Variants in LYRM9 observed in about 807,000 individuals in gnomAD.
The protein encoded by LYRM9 is LYR motif-containing protein 9.
A neutral mutation model predicts 12.6 loss-of-function variants in LYRM9; 14 were observed. The observed-to-expected ratio is 1.11, with a 90% CI of 0.73 to 1.73. LYRM9 has a LOEUF of 1.73. LYRM9 is among the 40% of genes most tolerant of loss of function. The pLI is 0.00. For missense variants in LYRM9, 94 were observed against 95.0 expected, an observed-to-expected ratio of 0.99 and a Z score of 0.04; for synonymous variants, 42 against 35.1, an observed-to-expected ratio of 1.20 and a Z score of -0.69.
At chr17:27,881,599 T>C (rs1338246609) in intron 2 of LYRM9, among the ~76,000 whole-genome samples, 1 of 152,348 alleles carries the variant, frequency 6.6e-6, no homozygotes, top group East Asian at 1.9e-4. Flanking sequence ...TTTATCATTC[T>C]CTTTATATAA....
chr17:27,879,655 T>C (rs1453722879), intron 3 of LYRM9, 165 bp from the exon 4 acceptor site: 1 of 637,526 alleles, frequency 1.6e-6, no homozygotes, highest in Non-Finnish European at 2.7e-6. Context: ...AATCTCTAGT[T>C]CATGCCTGGA....
chr17:27,890,156 C>G (rs1905383058), intron 1 of LYRM9, among the ~76,000 whole-genome samples: 1 of 152,178 alleles, frequency 6.6e-6, no homozygotes, highest in Admixed American at 6.5e-5. Flanking sequence ...ATGCCCTTAT[C>G]TGCTTCGTGA....
rs1905239921 is a variant in LYRM9, at chr17:27,886,636, TTTTC to T, written c.-18-3928_-18-3925del. 1.9e-5 allele frequency among the ~76,000 whole-genome samples: 2 copies of T among 104,992 alleles called. No individual in the cohort carries two copies. Among genetic ancestry groups the T allele is most frequent in the South Asian group, 7.9e-4 (2 of 2,526 alleles). The allele number at this position is 104,992 out of a possible 152,430, so 68.9% of individuals were successfully genotyped here. A position where few individuals can be genotyped will look rare whatever the true frequency, so the allele number is the denominator to read the frequency against. The stretch of plus-strand genomic sequence containing the variant: ...AATCCCCATGCCACTGGTTTCTTTC[TTTTC>T]TTTTCTTTTTTTATTTTTTTTTTTT... On this transcript the variant is annotated intron_variant, in intron 1 of 3. Transcript: ENST00000379102. This position sits in a 1 kb window ranked among gnomAD's most constrained non-coding sequence, Gnocchi z 4.8.
Position 27,880,331 on chromosome 17 carries a change from C to T in LYRM9, c.162G>A (p.Glu54=), listed in dbSNP as rs1905007172. ...CTCTTTTAATAATCTGCTGGATTCT[C>T]TCAGGGTTGTCTTCATCTGAATGAA... ...FRVHSDEDNP[E]RIQQIIKRAI... Residue 54 remains glutamate, a synonymous_variant, in exon 3 of 4, where the codon GAG becomes GAA. Transcript: ENST00000379102. 1.2e-6 allele frequency: 2 copies of T among 1,609,548 alleles called. No homozygotes were observed. The highest frequency in any genetic ancestry group is 1.1e-5 in the South Asian group (1 of 89,926).
intron 3 of LYRM9, 101 bp from the exon 4 acceptor site, chr17:27,879,591 C>T: frequency 1.5e-6 from 2 of 1,309,050 alleles, no homozygotes; most frequent in Non-Finnish European, 1.1e-6. Context: ...CACCTGCCTC[C>T]TGCAGGGGCT....
rs543799251 is a variant in LYRM9 at position 27,886,156 on chromosome 17, G to A, written c.-18-3444C>T. 2.6e-5 allele frequency among the ~76,000 whole-genome samples: 4 copies of A among 152,208 alleles called. No individual in the cohort carries two copies. Among genetic ancestry groups the A allele is most frequent in the African/African-American group, 4.8e-5 (2 of 41,538 alleles). On this transcript the variant is annotated intron_variant, in intron 1 of 3. Coordinates refer to ENST00000379102, the MANE Select transcript of LYRM9 (RefSeq NM_001076680.3). This position sits in a 1 kb window ranked among gnomAD's most constrained non-coding sequence, Gnocchi z 4.8. ...TCAAATATTGTAAAATGCTAGTCGC[G>A]GAACAGATGGTTACCATCTGCAGTC...
In LYRM9 at chr17:27,879,229, AG is replaced by A. The variant is rs1422563316; in HGVS notation, c.*243del. ...AACACAAAAATAAAAAACACACAAA[AG>A]AAGCAAAAAAATACTACATTCTCCC... On this transcript the variant is annotated 3_prime_UTR_variant, in exon 4 of 4. Coordinates refer to ENST00000379102, the MANE Select transcript of LYRM9 (RefSeq NM_001076680.3). The A allele has an allele frequency of 2.2e-6, 1 of 448,202 alleles. No individual in the cohort carries two copies. The highest frequency in any genetic ancestry group is 2.0e-5 in the African/African-American group (1 of 48,952). 27.8% of individuals were successfully genotyped at this position (448,202 alleles called of 1,614,324 possible). A position where few individuals can be genotyped will look rare whatever the true frequency, so the allele number is the denominator to read the frequency against.
chr17:27,888,272 A>C (rs1905301039), intron 1 of LYRM9, among the ~76,000 whole-genome samples: 1 of 152,154 alleles, frequency 6.6e-6, no homozygotes, highest in Non-Finnish European at 1.5e-5. Flanking sequence ...CACCATGCTC[A>C]GTGGGAGGCC....
rs557978199 is a variant in LYRM9, at chr17:27,878,402, C to T, written c.*1071G>A. On this transcript the variant is annotated 3_prime_UTR_variant, in exon 4 of 4. Coordinates refer to ENST00000379102, the MANE Select transcript of LYRM9 (RefSeq NM_001076680.3). ...TACTTCATTGCCAGCGGAGTACACTCGCATACATAGATATCTCTGAGTCAC... is the reference window on the plus strand; with the variant it reads ...TACTTCATTGCCAGCGGAGTACACTTGCATACATAGATATCTCTGAGTCAC... 4.6e-5 allele frequency: 7 copies of T among 152,358 alleles called. No individual in the cohort carries two copies. The highest frequency in any genetic ancestry group is 2.1e-4 in the South Asian group (1 of 4,826). The allele number at this position is 152,358 out of a possible 1,614,324, so 9.4% of individuals were successfully genotyped here.
At position 27,879,442 on chromosome 17, in the gene LYRM9, CAG is replaced by C; in HGVS notation, c.*29_*30del. 2 of 1,548,142 alleles carry C rather than the reference CAG, an allele frequency of 1.3e-6. No individual in the cohort carries two copies. The highest frequency in any genetic ancestry group is 2.4e-5 in the South Asian group (2 of 83,630). ...TCCAGAAGAGGGGCCTCTCAACTTC[CAG>C]AGGCCAGGAAGGCTCACCCTCGGAG... On this transcript the variant is annotated 3_prime_UTR_variant, in exon 4 of 4. Transcript: ENST00000379102.
At chr17:27,883,051 C>G (rs1369253344) in intron 1 of LYRM9, 1 of 479,662 alleles carries the variant, frequency 2.1e-6, no homozygotes, top group Admixed American at 2.3e-5. Flanking sequence ...GGGGCAATCA[C>G]TAGGAAACCA....
At chr17:27,891,743 A>G (rs757180544) in intron 1 of LYRM9, among the ~76,000 whole-genome samples, 3 of 152,168 alleles carry the variant, frequency 2.0e-5, no homozygotes, top group Non-Finnish European at 4.4e-5. Context: ...TTAAAAGCCT[A>G]CCTCTGCTAT....
rs1213385376 is a variant in LYRM9, at chr17:27,880,273, C to T, written c.219+1G>A. On this transcript the variant is annotated splice_donor_variant, in intron 3 of 3. Coordinates refer to ENST00000379102, the MANE Select transcript of LYRM9 (RefSeq NM_001076680.3). LOFTEE classifies it high-confidence loss of function. ...GCAGAGCCCAGGGGCCAAGCACCTA[C>T]TTTGTTCATGATCCAGTCAGCATCT... The T allele has an allele frequency of 6.2e-7, 1 of 1,605,334 alleles. No individual in the cohort carries two copies.
At chr17:27,885,849 C>A (rs1402356933) in intron 1 of LYRM9, among the ~76,000 whole-genome samples, 1 of 151,884 alleles carries the variant, frequency 6.6e-6, no homozygotes, top group African/African-American at 2.4e-5. Flanking sequence ...TCACTTGTAT[C>A]TCAAAGGGTA....
chr17:27,885,701 CAAAAAAAAA>C (rs61615628), intron 1 of LYRM9, among the ~76,000 whole-genome samples: 17 of 29,376 alleles, frequency 5.8e-4, no homozygotes, highest in East Asian at 2.3e-3. Flanking sequence ...AACTCTGTCT[CAAAAAAAAA>C]AAAAAAAAAA....
At chr17:27,887,703 T>C (rs1905274508) in intron 1 of LYRM9, among the ~76,000 whole-genome samples, 2 of 144,840 alleles carry the variant, frequency 1.4e-5, no homozygotes, top group South Asian at 4.4e-4. Context: ...ACAGAACCTA[T>C]AGGAGGGAGG....
chr17:27,889,629 C>T (rs555135025), intron 1 of LYRM9, among the ~76,000 whole-genome samples: 5 of 152,142 alleles, frequency 3.3e-5, no homozygotes, highest in East Asian at 3.9e-4. Flanking sequence ...AGTCTCTTTC[C>T]CCATCTTTTA....
Position 27,880,286 on chromosome 17 carries a change from C to T in LYRM9, c.207G>A (p.Trp69Ter). 6.2e-7 allele frequency: 1 copy of T among 1,608,486 alleles called. No homozygotes were observed. Among genetic ancestry groups the T allele is most frequent in the Non-Finnish European group, 8.5e-7 (1 of 1,177,252 alleles). The change falls in exon 3 of 4, where the codon TGG (tryptophan) becomes TGA (stop). Residue 69 changes from tryptophan to a stop codon, truncating the protein, a stop_gained. Transcript: ENST00000379102. LOFTEE classifies it high-confidence loss of function. The stretch of plus-strand genomic sequence containing the variant: ...GCCAAGCACCTACTTTGTTCATGAT[C>T]CAGTCAGCATCTTCAATGGCTCTTT... ...IIKRAIEDAD[W>*]IMNKYKKQN
intron 1 of LYRM9, 110 bp from the exon 2 acceptor site, chr17:27,882,822 C>A: frequency 8.3e-7 from 1 of 1,202,812 alleles, no homozygotes; most frequent in South Asian, 1.5e-5. Flanking sequence ...TGCAGAGGCC[C>A]CTCCTGTCCC....
Sources: gnomAD v4.1 joint callset for allele counts (sites outside exome capture counted in the v4.1 genomes callset) on GRCh38, gnomAD v4.1.1 for gene constraint, Gnocchi (gnomAD v3.1) non-coding constraint, MANE v1.5 for transcripts, NCBI Gene and HGNC (gene_info 2026-07-23, HGNC 2026-07-21) for gene names.